The following EPHA7 variants were observed in gnomAD, a reference collection of about 807,000 sequenced individuals.
EPHA7 encodes EPH receptor A7, also known as ephrin type-A receptor 7.
A neutral mutation model predicts 112.6 loss-of-function variants in EPHA7; 25 were observed. The ratio of observed to expected loss-of-function variants is 0.22; its 90% CI spans 0.16 to 0.31. EPHA7 has a LOEUF of 0.31. Ranked by LOEUF, EPHA7 falls within the 10% of genes least tolerant of loss-of-function variation. The probability of loss-of-function intolerance (pLI) is 1.00; values close to 1 mark genes in which losing one functional copy is unlikely to be tolerated. For missense variants in EPHA7, 962 were observed against 1,212.6 expected, an observed-to-expected ratio of 0.79 and a Z score of 3.07; for synonymous variants, 437 against 406.5, an observed-to-expected ratio of 1.07 and a Z score of -0.90.
intron 3 of EPHA7, among the ~76,000 whole-genome samples, chr6:93,408,744 G>C (rs1562165125): frequency 6.6e-6 from 1 of 151,992 alleles, no homozygotes; most frequent in Non-Finnish European, 1.5e-5. Flanking sequence ...TTAACTCTTT[G>C]AATAGGACAG....
At chr6:93,418,997 C>A (rs75111000) in intron 1 of EPHA7, among the ~76,000 whole-genome samples, 6 of 152,204 alleles carry the variant, frequency 3.9e-5, no homozygotes, top group African/African-American at 1.4e-4. Flanking sequence ...CCAGACTGCC[C>A]GCGCCAGAAA....
At chr6:93,285,946 T>C (rs1362892552) in intron 5 of EPHA7, among the ~76,000 whole-genome samples, 1 of 152,312 alleles carries the variant, frequency 6.6e-6, no homozygotes, top group South Asian at 2.1e-4. Flanking sequence ...CACCCTTTTT[T>C]ACATATTCCC....
chr6:93,347,134 T>G (rs1469249785), intron 5 of EPHA7, among the ~76,000 whole-genome samples: 1 of 151,836 alleles, frequency 6.6e-6, no homozygotes, highest in African/African-American at 2.4e-5. Flanking sequence ...CTATAAACAC[T>G]TTTTCCTAAG....
intron 3 of EPHA7, among the ~76,000 whole-genome samples, chr6:93,371,675 G>A (rs779297315): frequency 1.4e-4 from 21 of 152,168 alleles, no homozygotes; most frequent in Non-Finnish European, 2.2e-4. Context: ...TGCATTGAAA[G>A]TTCTTACAAA....
intron 14 of EPHA7, among the ~76,000 whole-genome samples, chr6:93,253,015 A>C (rs1770282228): frequency 6.6e-6 from 1 of 152,008 alleles, no homozygotes; most frequent in Non-Finnish European, 1.5e-5. Context: ...AACCATTTCC[A>C]TTATTTGTTT....
At chr6:93,387,596 T>C (rs879756514) in intron 3 of EPHA7, among the ~76,000 whole-genome samples, 7 of 152,104 alleles carry the variant, frequency 4.6e-5, no homozygotes, top group African/African-American at 1.7e-4. Flanking sequence ...TAGCCCAAAC[T>C]GAGTAATTTA....
chr6:93,328,673 A>G (rs1269836373), intron 5 of EPHA7, among the ~76,000 whole-genome samples: 1 of 151,248 alleles, frequency 6.6e-6, no homozygotes, highest in Non-Finnish European at 1.5e-5. Context: ...AGTCATGGCA[A>G]TTTTAATGCA....
At chr6:93,350,487 A>G (rs1562115803) in intron 5 of EPHA7, among the ~76,000 whole-genome samples, 1 of 152,064 alleles carries the variant, frequency 6.6e-6, no homozygotes, top group Non-Finnish European at 1.5e-5. Flanking sequence ...TTAAAATGAT[A>G]TCAGTTCTTG....
intron 5 of EPHA7, among the ~76,000 whole-genome samples, chr6:93,306,558 T>C (rs931768060): frequency 2.6e-5 from 4 of 151,984 alleles, no homozygotes; most frequent in African/African-American, 9.6e-5. Flanking sequence ...TCATATTTCA[T>C]GTAAACTATG....
At position 93,387,021 on chromosome 6, in the gene EPHA7, T is replaced by A. The variant is rs147699758; in HGVS notation, c.832+23480A>T. ...GGTCTCTGACATACCCTGGAGACAT[T>A]TTCCCCATTATCTTGGCAACTAACA... On this transcript the variant is annotated intron_variant, in intron 3 of 16. Coordinates refer to ENST00000369303, the MANE Select transcript of EPHA7 (RefSeq NM_004440.4). Among the ~76,000 whole-genome samples the A allele has an allele frequency of 1.4e-3, 207 of 152,242 alleles. 1 individual carries two copies. Among genetic ancestry groups the A allele is most frequent in the African/African-American group, 4.8e-3 (200 of 41,540 alleles).
chr6:93,275,334 C>A (rs758949366), intron 5 of EPHA7, among the ~76,000 whole-genome samples: 1 of 151,754 alleles, frequency 6.6e-6, no homozygotes, highest in African/African-American at 2.4e-5. Context: ...TAGGAGAAAA[C>A]AAATACTGTA....
chr6:93,405,807 GTGTGTGTATATA>G (rs1297643100), intron 3 of EPHA7, among the ~76,000 whole-genome samples: 366 of 70,444 alleles, frequency 5.2e-3, no homozygotes, highest in African/African-American at 0.017. Context: ...GTGTGTGTGT[GTGTGTGTATATA>G]TATATATATA....
chr6:93,348,121 G>GA (rs1775496234), intron 5 of EPHA7, among the ~76,000 whole-genome samples: 1 of 151,668 alleles, frequency 6.6e-6, no homozygotes, highest in Admixed American at 6.6e-5. Flanking sequence ...AACCATATCA[G>GA]AAAAGGATAG....
At chr6:93,304,595 A>T (rs2127854526) in intron 5 of EPHA7, among the ~76,000 whole-genome samples, 1 of 152,200 alleles carries the variant, frequency 6.6e-6, no homozygotes. Flanking sequence ...AGTCCGGGAA[A>T]TTAGATAAAA....
chr6:93,356,507 T>G (rs930535567), intron 5 of EPHA7, among the ~76,000 whole-genome samples: 1 of 152,120 alleles, frequency 6.6e-6, no homozygotes, highest in Admixed American at 6.6e-5. Context: ...CTGGCCAATT[T>G]TATCTCCTTT....
chr6:93,348,523 G>C (rs1233870306), intron 5 of EPHA7, among the ~76,000 whole-genome samples: 1 of 151,586 alleles, frequency 6.6e-6, no homozygotes, highest in African/African-American at 2.4e-5. Context: ...CAAAGTTAAG[G>C]TTTATTTGTA....
Position 93,333,605 on chromosome 6 carries a change from T to A in EPHA7, c.1324+23112A>T, listed in dbSNP as rs570335809. 2.4e-3 allele frequency among the ~76,000 whole-genome samples: 358 copies of A among 152,042 alleles called. 3 individuals carry two copies. Among genetic ancestry groups the A allele is most frequent in the African/African-American group, 8.3e-3 (345 of 41,524 alleles). On this transcript the variant is annotated intron_variant, in intron 5 of 16. Transcript: ENST00000369303. ...TTGGGAGATCTCATTGCAATTCTGA[T>A]TTGCATTTCTTTAATGATTAGTGAT... is the stretch of plus-strand genomic sequence containing the variant.
At chr6:93,403,211 T>G (rs1359293225) in intron 3 of EPHA7, among the ~76,000 whole-genome samples, 1 of 152,104 alleles carries the variant, frequency 6.6e-6, no homozygotes, top group Non-Finnish European at 1.5e-5. Flanking sequence ...GAAATTAATT[T>G]AAATTCACTG....
intron 5 of EPHA7, among the ~76,000 whole-genome samples, chr6:93,343,433 T>C (rs1294524657): frequency 2.6e-5 from 4 of 151,766 alleles, no homozygotes; most frequent in East Asian, 1.9e-4. Context: ...AAATTGGATA[T>C]ACAGGGTTTG....
Sources: allele counts gnomAD v4.1 joint callset (sites outside exome capture counted in the v4.1 genomes callset), GRCh38; gene constraint gnomAD v4.1.1; transcripts MANE v1.5; gene names NCBI Gene and HGNC (gene_info 2026-07-23, HGNC 2026-07-21).